CEP78: variants seen among roughly 807,000 people sequenced by gnomAD.
CEP78 encodes centrosomal protein of 78 kDa.
In CEP78, 76 loss-of-function variants were observed where a neutral mutation model predicts 81.2. The ratio of observed to expected loss-of-function variants is 0.94; its 90% confidence interval spans 0.78 to 1.13. The LOEUF is 1.13. Among genes scored for constraint, CEP78 ranks in the 50% most tolerant of loss-of-function variants. The pLI is 0.00. For synonymous variants in CEP78, 293 were observed against 301.4 expected, an observed-to-expected ratio of 0.97 and a Z score of 0.29; for missense variants, 918 against 846.8, an observed-to-expected ratio of 1.08 and a Z score of -1.04.
intron 5 of CEP78, among the ~76,000 whole-genome samples, chr9:78,245,924 A>G (rs774958962): frequency 6.6e-6 from 1 of 152,084 alleles, no homozygotes; most frequent in Non-Finnish European, 1.5e-5. Flanking sequence ...TTTTTAATGT[A>G]ATTTTTTGAG....
intron 9 of CEP78, among the ~76,000 whole-genome samples, chr9:78,252,556 A>G (rs1214326139): frequency 1.3e-5 from 2 of 152,224 alleles, no homozygotes; most frequent in African/African-American, 4.8e-5. Context: ...TTTGTCAGAA[A>G]AGTCTTTTAA....
intron 14 of CEP78, 109 bp downstream of exon 14, chr9:78,265,652 A>G: frequency 9.3e-7 from 1 of 1,077,136 alleles, no homozygotes; most frequent in Non-Finnish European, 1.3e-6. Flanking sequence ...CAGGGACCAG[A>G]AGCATCTTTG....
chr9:78,241,726 C>G lies in CEP78; in HGVS notation c.530C>G (p.Thr177Ser). The change falls in exon 4 of 17, where the codon ACT (threonine) becomes AGT (serine). Residue 177 changes from threonine to serine, a missense_variant. Transcript: ENST00000643273. ...TGTCAAGGTATAAAGAGCTCTATCA[C>G]TCTTAAGACAGTCAACTTCACAGGA... ...IICQGIKSSITLKTVNFTGCN... is the reference protein window; with the variant it reads ...IICQGIKSSISLKTVNFTGCN... The G allele has an allele frequency of 6.2e-7, 1 of 1,606,264 alleles. No individual in the cohort carries two copies. The highest frequency in any genetic ancestry group is 8.5e-7 in the Non-Finnish European group (1 of 1,173,568).
At position 78,246,738 on chromosome 9, in the gene CEP78, A is replaced by G. The variant is rs887116759; in HGVS notation, c.848A>G (p.Asn283Ser). Residue 283 changes from asparagine to serine, a missense_variant, in exon 6 of 17, where the codon AAT becomes AGT. Asn to Ser is a conservative substitution (Grantham distance 46, BLOSUM62 1). Transcript: ENST00000643273. Reference sequence around the variant, plus strand: ...GCTTTGCTAGAGGCCCTTGAAACCAATACAACTCTGGTCGTTCTGGATATA... The same window carrying G: ...GCTTTGCTAGAGGCCCTTGAAACCAGTACAACTCTGGTCGTTCTGGATATA... ...AKALLEALET[N>S]TTLVVLDIRK... 6 of 1,610,594 alleles carry G rather than the reference A, an allele frequency of 3.7e-6. No individual in the cohort carries two copies. The Admixed American group carries it at 5.0e-5, about 14-fold the overall frequency.
Position 78,273,155 on chromosome 9 carries a change from T to A in CEP78, c.*2304T>A, listed in dbSNP as rs927992715. On this transcript the variant is annotated 3_prime_UTR_variant, in exon 17 of 17. Coordinates refer to ENST00000643273, the MANE Select transcript of CEP78 (RefSeq NM_001330691.3). ...ATCCACAATATAGCAAGATCAAGTT[T>A]TTTACTCATAATAAACATGAACAGG... The A allele has an allele frequency of 6.6e-6, 1 of 152,210 alleles. No individual in the cohort carries two copies. The highest frequency in any genetic ancestry group is 2.4e-5 in the African/African-American group (1 of 41,464). The allele number at this position is 152,210 out of a possible 1,614,324, so 9.4% of individuals were successfully genotyped here.
In CEP78 at chr9:78,265,430, C is replaced by T. The variant is rs1292524251; in HGVS notation, c.1684C>T (p.His562Tyr). 2 of 1,604,258 alleles carry T rather than the reference C, an allele frequency of 1.2e-6. No individual in the cohort carries two copies. Among genetic ancestry groups the T allele is most frequent in the South Asian group, 1.1e-5 (1 of 88,824 alleles). The change falls in exon 14 of 17, where the codon CAT (histidine) becomes TAT (tyrosine). Residue 562 changes from histidine (H) to tyrosine (Y), a missense_variant. His to Tyr is a moderately conservative substitution (Grantham distance 83, BLOSUM62 2). Coordinates refer to ENST00000643273, the MANE Select transcript of CEP78 (RefSeq NM_001330691.3). ...TCAGTCAGATTTTCAATTACTAGGT[C>T]ATCCCCAGATGACTTCTACTGTTAG... ...IDQSDFQLLG[H>Y]PQMTSTVSNP...
At position 78,277,427 on chromosome 9, in the gene CEP78, C is replaced by G. The variant is rs1220101020; in HGVS notation, c.*6576C>G. The G allele has an allele frequency of 1.3e-5, 2 of 151,664 alleles. No individual in the cohort carries two copies. The highest frequency in any genetic ancestry group is 1.3e-4 in the Admixed American group (2 of 15,238). 9.4% of individuals were successfully genotyped at this position (151,664 alleles called of 1,614,324 possible). A position where few individuals can be genotyped will look rare whatever the true frequency, so the allele number is the denominator to read the frequency against. ...AGATAATATAAAGAGCACCTACAAA[C>G]AACAAAAATTGGACAAAGGCTATAA... On this transcript the variant is annotated 3_prime_UTR_variant, in exon 17 of 17. Coordinates refer to ENST00000643273, the MANE Select transcript of CEP78 (RefSeq NM_001330691.3).
intron 13 of CEP78, 129 bp downstream of exon 13, chr9:78,264,445 T>C (rs571601204): frequency 6.5e-5 from 41 of 628,006 alleles, no homozygotes; most frequent in Non-Finnish European, 8.9e-5. Flanking sequence ...TACACTTGAT[T>C]TTTTAAATGT....
At position 78,236,340 on chromosome 9, in the gene CEP78, G is replaced by A. The variant is rs760184319; in HGVS notation, c.-11G>A. ...TCCGCGGCGGGCATCCCCCGAGGCC[G>A]CCCTCGGGCCATGATCGACTCCGTG... On this transcript the variant is annotated 5_prime_UTR_variant, in exon 1 of 17. Transcript: ENST00000643273. 74 of 1,556,040 alleles carry A rather than the reference G, an allele frequency of 4.8e-5. No individual in the cohort carries two copies. The highest frequency in any genetic ancestry group is 1.5e-5 in the Non-Finnish European group (17 of 1,156,494).
At position 78,243,593 on chromosome 9, in the gene CEP78, A is replaced by C; in HGVS notation, c.735A>C (p.Ala245=). 1 of 1,613,878 alleles carries C rather than the reference A, an allele frequency of 6.2e-7. No homozygotes were observed. The highest frequency in any genetic ancestry group is 2.2e-5 in the East Asian group (1 of 44,866). The change falls in exon 5 of 17, where the codon GCA becomes GCC. Residue 245 remains alanine (A), a synonymous_variant. Coordinates refer to ENST00000643273, the MANE Select transcript of CEP78 (RefSeq NM_001330691.3). ...NCNTLIGDLG[A]CAFADSLSED... The stretch of plus-strand genomic sequence containing the variant: ...ACACACTTATTGGTGACCTAGGTGC[A>C]TGTGCTTTTGCAGACTCTCTCAGTG...
chr9:78,269,992 A>T (rs1310924399), intron 16 of CEP78, among the ~76,000 whole-genome samples: 3 of 152,222 alleles, frequency 2.0e-5, no homozygotes, highest in Admixed American at 6.5e-5. Context: ...GATGAACTTG[A>T]GATGACTCCC....
intron 1 of CEP78, among the ~76,000 whole-genome samples, chr9:78,237,640 T>G (rs1343921139): frequency 6.6e-6 from 1 of 152,190 alleles, no homozygotes; most frequent in Non-Finnish European, 1.5e-5. Flanking sequence ...GGGAGGGTCC[T>G]CGTTTGTCCT....
chr9:78,267,142 T>A, intron 16 of CEP78: 2 of 866,072 alleles, frequency 2.3e-6, no homozygotes, highest in Non-Finnish European at 3.3e-6. Context: ...TTTATTATAG[T>A]GAAATTTTTG....
intron 16 of CEP78, among the ~76,000 whole-genome samples, chr9:78,268,303 C>T (rs1015222569): frequency 6.6e-6 from 1 of 152,114 alleles, no homozygotes; most frequent in Non-Finnish European, 1.5e-5. Context: ...TGAGTATGTG[C>T]GTTTGAGGAA....
chr9:78,236,218 T>C lies in CEP78; in HGVS notation c.-133T>C. The C allele has an allele frequency of 2.6e-6, 2 of 768,628 alleles. No individual in the cohort carries two copies. The highest frequency in any genetic ancestry group is 4.0e-6 in the Non-Finnish European group (2 of 497,680). 47.6% of individuals were successfully genotyped at this position (768,628 alleles called of 1,614,324 possible). A position where few individuals can be genotyped will look rare whatever the true frequency, so the allele number is the denominator to read the frequency against. On this transcript the variant is annotated 5_prime_UTR_variant, in exon 1 of 17. Transcript: ENST00000643273. ...TTGCGTCTTCCGACCGAATCACCGCTCCTGAGCCCGGTGCGGGGCTGCCGC... is the reference window on the plus strand; with the variant it reads ...TTGCGTCTTCCGACCGAATCACCGCCCCTGAGCCCGGTGCGGGGCTGCCGC...
At chr9:78,238,187 C>T (rs1826053735) in intron 1 of CEP78, among the ~76,000 whole-genome samples, 1 of 151,180 alleles carries the variant, frequency 6.6e-6, no homozygotes, top group Non-Finnish European at 1.5e-5. Context: ...GGCGTGGTGA[C>T]TAGTTAGAAG....
rs144373083 is a variant in CEP78, at chr9:78,268,952, G to C, written c.2108-1889G>C. Among the ~76,000 whole-genome samples the C allele has an allele frequency of 5.1e-3, 773 of 152,172 alleles. 5 individuals are homozygous for C. Among genetic ancestry groups the C allele is most frequent in the African/African-American group, 0.018 (733 of 41,530 alleles). ...ATTACAGGCGTGAGCTACCATGCCT[G>C]GCCGCAGGTTTCTTTACAGTAGTAC... On this transcript the variant is annotated intron_variant, in intron 16 of 16. Transcript: ENST00000643273.
At chr9:78,258,133 TATTA>T (rs1458838940) in intron 11 of CEP78, among the ~76,000 whole-genome samples, 1 of 152,220 alleles carries the variant, frequency 6.6e-6, no homozygotes, top group African/African-American at 2.4e-5. Context: ...GTTTTGCTTA[TATTA>T]ATTCATTTGA....
chr9:78,277,554 A>AT lies in CEP78; in HGVS notation c.*6705dup, dbSNP rs1219420315. On this transcript the variant is annotated 3_prime_UTR_variant, in exon 17 of 17. Coordinates refer to ENST00000643273, the MANE Select transcript of CEP78 (RefSeq NM_001330691.3). ...AAAATGAGATACTATTTTTCAATAC[A>AT]TTGAAATGGCAGATTATTAAAGATT... 1.3e-5 allele frequency: 2 copies of AT among 152,218 alleles called. No individual in the cohort carries two copies. The highest frequency in any genetic ancestry group is 1.3e-4 in the Admixed American group (2 of 15,278). The allele number at this position is 152,218 out of a possible 1,614,324, so 9.4% of individuals were successfully genotyped here. A position where few individuals can be genotyped will look rare whatever the true frequency, so the allele number is the denominator to read the frequency against.
Sources: allele counts gnomAD v4.1 joint callset (sites outside exome capture counted in the v4.1 genomes callset), GRCh38; gene constraint gnomAD v4.1.1; transcripts MANE v1.5; gene names NCBI Gene and HGNC (gene_info 2026-07-23, HGNC 2026-07-21).